CFAP57: variants seen among roughly 807,000 people sequenced by gnomAD.
CFAP57 encodes cilia- and flagella-associated protein 57.
Under a neutral mutation model 146.8 loss-of-function variants are expected in CFAP57, and 116 were observed. The ratio of observed to expected loss-of-function variants is 0.79; its 90% confidence interval spans 0.68 to 0.92. CFAP57 has a LOEUF of 0.92. CFAP57 is among the 40% of genes least tolerant of loss of function. The pLI is 0.00. For synonymous variants in CFAP57, 518 were observed against 552.8 expected (o/e 0.94, Z 0.88); for missense variants, 1,377 against 1,527.2 (o/e 0.90, Z 1.64).
intron 5 of CFAP57, among the ~76,000 whole-genome samples, chr1:43,186,361 C>T (rs563245970): frequency 1.3e-5 from 2 of 152,204 alleles, no homozygotes; most frequent in East Asian, 1.9e-4. Context: ...CCTGTAATCC[C>T]AGCACTTTGG....
intron 15 of CFAP57, 111 bp downstream of exon 15, chr1:43,222,406 A>C (rs11210815): frequency 0.23 from 226,350 of 998,386 alleles, 27,765 homozygotes; most frequent in Middle Eastern, 0.27. Context: ...ACACTGGGTC[A>C]GACATGGTTT....
In CFAP57 at chr1:43,183,814, G is replaced by A. The variant is rs760054263; in HGVS notation, c.698G>A (p.Ser233Asn). 6.2e-7 allele frequency: 1 copy of A among 1,614,184 alleles called. No individual in the cohort carries two copies. Among genetic ancestry groups the A allele is most frequent in the South Asian group, 1.1e-5 (1 of 91,078 alleles). The part of the protein sequence containing the change: ...FESGDQRWET[S>N]IMVKEPTNGS... ...TCTGGAGATCAGCGTTGGGAGACCA[G>A]CATAATGGTCAAGGAACCTACCAAT... is the stretch of plus-strand genomic sequence containing the variant. Residue 233 changes from serine to asparagine, a missense_variant, in exon 4 of 23, where the codon AGC becomes AAC. Coordinates refer to ENST00000372492, the MANE Select transcript of CFAP57 (RefSeq NM_001378189.1).
At chr1:43,229,321 C>T (rs1645380087) in intron 18 of CFAP57, among the ~76,000 whole-genome samples, 1 of 148,874 alleles carries the variant, frequency 6.7e-6, no homozygotes. Flanking sequence ...CCTTGATGCT[C>T]AGCAGGGAAT....
intron 21 of CFAP57, among the ~76,000 whole-genome samples, chr1:43,240,832 AAG>A (rs1188311829): frequency 1.3e-5 from 2 of 152,114 alleles, no homozygotes; most frequent in South Asian, 2.1e-4. Context: ...CACATGGCGA[AAG>A]AGAGAGTAGG....
At chr1:43,214,893 T>G (rs1024485469) in intron 11 of CFAP57, among the ~76,000 whole-genome samples, 2 of 152,228 alleles carry the variant, frequency 1.3e-5, no homozygotes, top group African/African-American at 4.8e-5. Context: ...GAGTATCTCT[T>G]CATGTGCTTA....
chr1:43,198,067 G>T (rs1419327670), intron 7 of CFAP57, among the ~76,000 whole-genome samples: 1 of 151,908 alleles, frequency 6.6e-6, no homozygotes, highest in East Asian at 1.9e-4. Flanking sequence ...TTTCTCCCAG[G>T]ACATCACTAT....
At chr1:43,212,612 C>T (rs1343999642) in intron 11 of CFAP57, among the ~76,000 whole-genome samples, 1 of 151,984 alleles carries the variant, frequency 6.6e-6, no homozygotes, top group East Asian at 1.9e-4. Flanking sequence ...ACTATAGTCA[C>T]CTTACTCTGC....
chr1:43,232,611 G>A lies in CFAP57; in HGVS notation c.3113G>A (p.Arg1038Lys). Residue 1038 changes from arginine (R) to lysine (K), a missense_variant, in exon 19 of 23, where the codon AGA becomes AAA. Transcript: ENST00000372492. ...KLRATDQEMR[R>K]ERQKERDLEA... ...AGAGCCACCGATCAGGAGATGCGCA[G>A]AGAGAGACAGAAGGTGTGAGGGTTT... is the stretch of plus-strand genomic sequence containing the variant. The A allele has an allele frequency of 4.5e-6, 7 of 1,541,786 alleles. No individual in the cohort carries two copies. Among genetic ancestry groups the A allele is most frequent in the Non-Finnish European group, 6.1e-6 (7 of 1,140,540 alleles).
intron 6 of CFAP57, among the ~76,000 whole-genome samples, chr1:43,189,244 A>G (rs1643348446): frequency 6.6e-6 from 1 of 152,218 alleles, no homozygotes; most frequent in African/African-American, 2.4e-5. Context: ...GCAATTCCAT[A>G]TGGATTTTAC....
intron 2 of CFAP57, among the ~76,000 whole-genome samples, chr1:43,179,192 G>C (rs919070346): frequency 5.9e-5 from 9 of 152,110 alleles, no homozygotes; most frequent in African/African-American, 2.2e-4. Flanking sequence ...TAAATGACTA[G>C]TTAATGGGTG....
intron 6 of CFAP57, among the ~76,000 whole-genome samples, chr1:43,188,935 G>A (rs1013819749): frequency 2.6e-5 from 4 of 152,180 alleles, no homozygotes; most frequent in East Asian, 3.8e-4. Context: ...TTGAGTATAT[G>A]GGATGGTATA....
Position 43,198,401 on chromosome 1 carries a change from C to G in CFAP57, c.1263-80C>G. The G allele has an allele frequency of 4.8e-6, 7 of 1,454,378 alleles. No individual in the cohort carries two copies. The South Asian group carries it at 8.2e-5, about 17-fold the overall frequency. 90.1% of individuals were successfully genotyped at this position (1,454,378 alleles called of 1,614,324 possible). ...TAGTGTGTCTCAAATACGATGATAA[C>G]AATATATATCAGATACAGTAGATGA... is the stretch of plus-strand genomic sequence containing the variant. On this transcript the variant is annotated intron_variant, in intron 7 of 22. Transcript: ENST00000372492.
rs114445170 is a variant in CFAP57, at chr1:43,229,593, C to T, written c.3009+2467C>T. Among the ~76,000 whole-genome samples the T allele has an allele frequency of 8.9e-3, 1,319 of 148,830 alleles. 67 individuals carry two copies. Among genetic ancestry groups the T allele is most frequent in the Non-Finnish European group, 0.014 (933 of 67,516 alleles). On this transcript the variant is annotated intron_variant, in intron 18 of 22. Coordinates refer to ENST00000372492, the MANE Select transcript of CFAP57 (RefSeq NM_001378189.1). ...AATAACACTTCCTGATTCAGGTACC[C>T]GCCCTCACATACTCTTTTTCCAACT...
chr1:43,176,049 C>G (rs761479163), intron 2 of CFAP57, among the ~76,000 whole-genome samples: 2 of 152,042 alleles, frequency 1.3e-5, no homozygotes, highest in Non-Finnish European at 2.9e-5. Flanking sequence ...CTTATATCAC[C>G]AGGGGCCTTG....
At chr1:43,184,522 C>T (rs1055371824) in intron 4 of CFAP57, among the ~76,000 whole-genome samples, 5 of 152,066 alleles carry the variant, frequency 3.3e-5, no homozygotes, top group African/African-American at 1.2e-4. Flanking sequence ...ATACTATTAT[C>T]GTGCCCATTT....
intron 9 of CFAP57, among the ~76,000 whole-genome samples, chr1:43,200,661 A>C (rs924654393): frequency 1.3e-5 from 2 of 152,222 alleles, no homozygotes; most frequent in African/African-American, 4.8e-5. Flanking sequence ...AAAGAGAGGC[A>C]TTCTAGGCAG....
rs1182916202 is a variant in CFAP57 at position 43,215,511 on chromosome 1, C to T, written c.2091+95C>T. ...ACTGGGGCCCTCTACAGCCTGGCTA[C>T]ACCCTATGCCCAGTGCAGACCCCCA... On this transcript the variant is annotated intron_variant, in intron 12 of 22. Coordinates refer to ENST00000372492, the MANE Select transcript of CFAP57 (RefSeq NM_001378189.1). 9 of 1,443,498 alleles carry T rather than the reference C, an allele frequency of 6.2e-6. No homozygotes were observed. The Admixed American group carries it at 1.3e-4, about 21-fold the overall frequency. 89.4% of individuals were successfully genotyped at this position (1,443,498 alleles called of 1,614,324 possible). A position where few individuals can be genotyped will look rare whatever the true frequency, so the allele number is the denominator to read the frequency against.
At chr1:43,210,469 A>G (rs754633681) in intron 11 of CFAP57, 205 of 1,030,926 alleles carry the variant, frequency 2.0e-4, no homozygotes, top group Non-Finnish European at 2.4e-4. Flanking sequence ...TGGTATATCT[A>G]TACAATGGAA....
chr1:43,247,213 A>G (rs1482167024), intron 22 of CFAP57, among the ~76,000 whole-genome samples: 1 of 152,232 alleles, frequency 6.6e-6, no homozygotes, highest in African/African-American at 2.4e-5. Context: ...CACAAAAGAG[A>G]ACAAACAGCA....
Sources: allele counts gnomAD v4.1 joint callset (sites outside exome capture counted in the v4.1 genomes callset), GRCh38; gene constraint gnomAD v4.1.1; transcripts MANE v1.5; gene names NCBI Gene and HGNC (gene_info 2026-07-23, HGNC 2026-07-21).